The following MYO9A variants were observed in gnomAD, a reference collection of about 807,000 sequenced individuals.
MYO9A encodes myosin IXA.
MYO9A carries 103 observed loss-of-function variants against 293.3 expected under a neutral mutation model. The observed-to-expected ratio is 0.35, with a 90% CI of 0.30 to 0.41. The LOEUF (loss-of-function observed/expected upper bound fraction) is 0.41, where lower values mean the gene tolerates loss of function less well. Among genes scored for constraint, MYO9A ranks in the 10% least tolerant of loss-of-function variants. The pLI is 1.00. For synonymous variants in MYO9A, 1,001 were observed against 1,035.7 expected, an observed-to-expected ratio of 0.97 and a Z score of 0.64; for missense variants, 2,685 against 3,033.0, an observed-to-expected ratio of 0.89 and a Z score of 2.69.
chr15:72,000,667 T>C (rs1246526433), intron 8 of MYO9A, among the ~76,000 whole-genome samples: 1 of 152,092 alleles, frequency 6.6e-6, no homozygotes, highest in Non-Finnish European at 1.5e-5. Flanking sequence ...TGAGACAGAG[T>C]TTCACTCTGC....
chr15:72,109,314 CAGG>C (rs2080691624), intron 1 of MYO9A, among the ~76,000 whole-genome samples: 1 of 151,526 alleles, frequency 6.6e-6, no homozygotes, highest in Admixed American at 6.6e-5. Flanking sequence ...GGTGTGAACC[CAGG>C]AGGTGGAGCA....
chr15:72,007,031 G>A (rs779680991), intron 8 of MYO9A, among the ~76,000 whole-genome samples: 58 of 152,168 alleles, frequency 3.8e-4, no homozygotes, highest in Non-Finnish European at 7.3e-4. Context: ...AGGGAAGAAG[G>A]CTAGAATGAT....
chr15:71,886,658 A>G (rs2057029916), intron 27 of MYO9A, among the ~76,000 whole-genome samples: 1 of 152,154 alleles, frequency 6.6e-6, no homozygotes, highest in Non-Finnish European at 1.5e-5. Flanking sequence ...GTATGTATTA[A>G]CATATTTAAA....
intron 39 of MYO9A, among the ~76,000 whole-genome samples, chr15:71,844,844 CTATT>C (rs1383845477): frequency 1.3e-5 from 2 of 152,118 alleles, no homozygotes; most frequent in African/African-American, 4.8e-5. Flanking sequence ...AACCTGATGA[CTATT>C]TAGAAAAAGA....
At chr15:71,857,202 C>CAAACAT (rs2055898510) in intron 34 of MYO9A, among the ~76,000 whole-genome samples, 1 of 151,904 alleles carries the variant, frequency 6.6e-6, no homozygotes, top group Non-Finnish European at 1.5e-5. Flanking sequence ...TAATCTAAAG[C>CAAACAT]AAACATGCTA....
rs181354217 is a variant in MYO9A at position 71,848,491 on chromosome 15, C to T, written c.6837+354G>A. On this transcript the variant is annotated intron_variant, in intron 39 of 41. Transcript: ENST00000356056. Reference sequence around the variant, plus strand: ...CTTGGCAGGACCACCAAAAGTGACACGATTAAAGGCGGGAACAGACAGTGG... The same window carrying T: ...CTTGGCAGGACCACCAAAAGTGACATGATTAAAGGCGGGAACAGACAGTGG... Among the ~76,000 whole-genome samples the T allele has an allele frequency of 2.1e-3, 315 of 151,772 alleles. 1 individual carries two copies. Among genetic ancestry groups the T allele is most frequent in the Admixed American group, 3.3e-3 (51 of 15,268 alleles).
chr15:72,074,041 G>A (rs1320781012), intron 1 of MYO9A, among the ~76,000 whole-genome samples: 1 of 152,098 alleles, frequency 6.6e-6, no homozygotes, highest in East Asian at 1.9e-4. Flanking sequence ...AATGAAAGAA[G>A]CTATAAACAA....
chr15:72,046,956 GTTCT>G (rs2078403946), intron 1 of MYO9A, among the ~76,000 whole-genome samples: 1 of 152,140 alleles, frequency 6.6e-6, no homozygotes, highest in Non-Finnish European at 1.5e-5. Flanking sequence ...TTAGAACCAA[GTTCT>G]TTCCTTATAC....
intron 31 of MYO9A, 32 bp from the exon 32 acceptor site, chr15:71,875,870 G>T: frequency 1.6e-6 from 2 of 1,233,296 alleles, no homozygotes; most frequent in Non-Finnish European, 2.1e-6. Context: ...TATGGAAATT[G>T]TGATAACAAA....
intron 10 of MYO9A, among the ~76,000 whole-genome samples, chr15:71,991,625 C>CA (rs1184537710): frequency 6.6e-6 from 1 of 152,060 alleles, no homozygotes; most frequent in Non-Finnish European, 1.5e-5. Flanking sequence ...CTGGCTATAC[C>CA]AAGAGGACAA....
chr15:71,945,720 C>T (rs539696570), intron 15 of MYO9A, among the ~76,000 whole-genome samples: 2 of 82,990 alleles, frequency 2.4e-5, no homozygotes, highest in East Asian at 4.6e-4. Context: ...AATCTATGTA[C>T]AATTTCTTTT....
chr15:71,972,510 C>G (rs1025893799), intron 12 of MYO9A, among the ~76,000 whole-genome samples: 1 of 152,114 alleles, frequency 6.6e-6, no homozygotes, highest in Non-Finnish European at 1.5e-5. Context: ...AGTCCTCGAT[C>G]TGTGGGATCT....
At chr15:71,926,998 G>T (rs1465683895) in intron 18 of MYO9A, among the ~76,000 whole-genome samples, 1 of 152,142 alleles carries the variant, frequency 6.6e-6, no homozygotes, top group Non-Finnish European at 1.5e-5. Flanking sequence ...CAGGACCTGG[G>T]TAAGAGTACA....
chr15:71,904,097 G>T, intron 20 of MYO9A, 58 bp from the exon 21 acceptor site: 1 of 1,325,842 alleles, frequency 7.5e-7, no homozygotes, highest in Non-Finnish European at 1.1e-6. Context: ...TTAATTATCT[G>T]TTTATAAGCA....
At chr15:71,938,560 A>G (rs2058695430) in intron 16 of MYO9A, among the ~76,000 whole-genome samples, 1 of 152,160 alleles carries the variant, frequency 6.6e-6, no homozygotes, top group Admixed American at 6.5e-5. Flanking sequence ...AAATTTTGTA[A>G]AAGACATAAA....
intron 15 of MYO9A, among the ~76,000 whole-genome samples, chr15:71,947,619 C>A (rs985237221): frequency 6.6e-6 from 1 of 152,022 alleles, no homozygotes; most frequent in Admixed American, 6.6e-5. Flanking sequence ...GCATTTAATT[C>A]CATTTTGATC....
chr15:71,830,164 T>C lies in MYO9A; in HGVS notation c.6985A>G (p.Met2329Val), dbSNP rs2054661084. 2 of 1,614,176 alleles carry C rather than the reference T, an allele frequency of 1.2e-6. No individual in the cohort carries two copies. Among genetic ancestry groups the C allele is most frequent in the Non-Finnish European group, 1.7e-6 (2 of 1,180,010 alleles). Residue 2329 changes from methionine (M) to valine (V), a missense_variant, in exon 40 of 42, where the codon ATG becomes GTG. Coordinates refer to ENST00000356056, the MANE Select transcript of MYO9A (RefSeq NM_006901.4). ...GTCAGTACTCTCTCCTCCTGCTGCA[T>C]AGCTGCTTGCTGCTGTTCTGTGATG... ...TDITEQQQAAMQQEERVLTEQ... is the reference protein window; with the variant it reads ...TDITEQQQAAVQQEERVLTEQ...
chr15:71,994,651 G>A (rs1351636231), intron 9 of MYO9A, 66 bp from the exon 10 acceptor site: 2 of 858,396 alleles, frequency 2.3e-6, no homozygotes, highest in African/African-American at 3.5e-5. Flanking sequence ...TGACAAAGTT[G>A]TTTGCTCCCA....
At chr15:71,944,529 T>C (rs1180246386) in intron 15 of MYO9A, among the ~76,000 whole-genome samples, 2 of 152,186 alleles carry the variant, frequency 1.3e-5, no homozygotes, top group Admixed American at 6.5e-5. Flanking sequence ...TTAACTTACA[T>C]GTATGATATA....
Sources: allele counts gnomAD v4.1 joint callset (sites outside exome capture counted in the v4.1 genomes callset), GRCh38; gene constraint gnomAD v4.1.1; transcripts MANE v1.5; gene names NCBI Gene and HGNC (gene_info 2026-07-23, HGNC 2026-07-21).